The following RBFOX1 variants were observed in gnomAD, a reference collection of about 807,000 sequenced individuals.
RBFOX1 encodes the protein RNA binding protein fox-1 homolog 1.
In RBFOX1, 8 loss-of-function variants were observed where a neutral mutation model predicts 57.7. That is an observed-to-expected ratio of 0.14 (90% CI 0.08 to 0.25). RBFOX1 has a LOEUF of 0.25. Ranked by LOEUF, RBFOX1 falls within the 10% of genes least tolerant of loss-of-function variation. RBFOX1 has a pLI of 1.00. For synonymous variants in RBFOX1, 326 were observed against 222.4 expected, an observed-to-expected ratio of 1.47 and a Z score of -4.15; for missense variants, 611 against 548.5, an observed-to-expected ratio of 1.11 and a Z score of -1.14.
intron 3 of RBFOX1, among the ~76,000 whole-genome samples, chr16:6,784,354 G>C (rs1165197274): frequency 6.6e-6 from 1 of 151,578 alleles, no homozygotes; most frequent in Non-Finnish European, 1.5e-5. Context: ...GCCTCTCTTT[G>C]AGCTCACTGA....
At chr16:6,862,711 T>C (rs1460920912) in intron 3 of RBFOX1, among the ~76,000 whole-genome samples, 1 of 152,058 alleles carries the variant, frequency 6.6e-6, no homozygotes, top group Admixed American at 6.6e-5. Context: ...TTAAGAATTG[T>C]CTGTGGCTCA....
chr16:7,628,835 A>C (rs937787365), intron 10 of RBFOX1, among the ~76,000 whole-genome samples: 1 of 151,948 alleles, frequency 6.6e-6, no homozygotes, highest in Non-Finnish European at 1.5e-5. Flanking sequence ...CTGGTCTCGA[A>C]CTCCTAACCT....
chr16:6,142,791 G>T (rs2096728829), intron 1 of RBFOX1, among the ~76,000 whole-genome samples: 1 of 152,138 alleles, frequency 6.6e-6, no homozygotes, highest in Non-Finnish European at 1.5e-5. Flanking sequence ...CTTACTGTTA[G>T]TAGCTGAGAT....
intron 1 of RBFOX1, among the ~76,000 whole-genome samples, chr16:5,263,793 T>C: frequency 6.6e-6 from 1 of 152,144 alleles, no homozygotes; most frequent in East Asian, 1.9e-4. Flanking sequence ...GTCTTTGAGA[T>C]ACAGAAGAGG....
intron 1 of RBFOX1, among the ~76,000 whole-genome samples, chr16:6,150,130 G>A (rs1229645552): frequency 6.6e-6 from 1 of 152,154 alleles, no homozygotes; most frequent in Non-Finnish European, 1.5e-5. Flanking sequence ...ATTATGTGAT[G>A]TTAGCAGCCT....
rs549621007 is a variant in RBFOX1 at position 5,866,627 on chromosome 16, G to A, written c.319-676G>A. On this transcript the variant is annotated intron_variant, in intron 3 of 19. Transcript: ENST00000641259. The stretch of plus-strand genomic sequence containing the variant: ...TGATATACAGTAGGCTTGTAGATAG[G>A]AGGCTGAACATCTACGTGACTTTAT... Among the ~76,000 whole-genome samples, 21 of 152,358 alleles carry A rather than the reference G, an allele frequency of 1.4e-4. No individual in the cohort carries two copies. In the South Asian group the frequency reaches 4.4e-3, roughly 32 times the overall value.
chr16:6,690,664 G>A (rs1383228509), intron 3 of RBFOX1, among the ~76,000 whole-genome samples: 1 of 151,860 alleles, frequency 6.6e-6, no homozygotes, highest in Non-Finnish European at 1.5e-5. Context: ...TCTGCTTTTA[G>A]TCGATTATAG....
intron 1 of RBFOX1, among the ~76,000 whole-genome samples, chr16:6,186,972 C>G (rs2097109255): frequency 6.6e-6 from 1 of 152,090 alleles, no homozygotes; most frequent in Non-Finnish European, 1.5e-5. Flanking sequence ...CTCCATTGAT[C>G]TCTTTATTTG....
At chr16:6,473,872 G>T (rs1376365571) in intron 2 of RBFOX1, among the ~76,000 whole-genome samples, 1 of 152,182 alleles carries the variant, frequency 6.6e-6, no homozygotes, top group East Asian at 1.9e-4. Context: ...TTGGTCCGAA[G>T]TTGGAGGTGT....
intron 4 of RBFOX1, among the ~76,000 whole-genome samples, chr16:7,338,970 T>C (rs1256942564): frequency 6.6e-6 from 1 of 152,198 alleles, no homozygotes; most frequent in Non-Finnish European, 1.5e-5. Flanking sequence ...CGTCATTTAC[T>C]CTGAGGCTGC....
chr16:7,113,404 T>G (rs1215691765), intron 4 of RBFOX1, among the ~76,000 whole-genome samples: 24 of 152,204 alleles, frequency 1.6e-4, no homozygotes, highest in Admixed American at 1.5e-3. Context: ...ATAAAAAGTT[T>G]CCCTTCTTTC....
intron 3 of RBFOX1, among the ~76,000 whole-genome samples, chr16:6,792,915 A>G (rs752857566): frequency 6.6e-6 from 1 of 152,006 alleles, no homozygotes; most frequent in Non-Finnish European, 1.5e-5. Flanking sequence ...CTGTAATCCA[A>G]GCTACTAGGG....
At chr16:6,578,334 C>T (rs368946789) in intron 2 of RBFOX1, among the ~76,000 whole-genome samples, 1 of 151,934 alleles carries the variant, frequency 6.6e-6, no homozygotes, top group Non-Finnish European at 1.5e-5. Context: ...GGGAAGTTAG[C>T]GAAGCAATGT....
chr16:7,693,104 T>C, intron 14 of RBFOX1, among the ~76,000 whole-genome samples: 1 of 152,150 alleles, frequency 6.6e-6, no homozygotes, highest in East Asian at 1.9e-4. Context: ...TTGTACATAG[T>C]TCGTATTCTG....
At chr16:6,854,688 G>A (rs946500987) in intron 3 of RBFOX1, among the ~76,000 whole-genome samples, 1 of 142,598 alleles carries the variant, frequency 7.0e-6, no homozygotes, top group Admixed American at 7.3e-5. Context: ...TCCGCCTCCT[G>A]GGTTCAAGTC....
At chr16:5,649,003 G>T (rs1393934671) in intron 3 of RBFOX1, among the ~76,000 whole-genome samples, 1 of 151,896 alleles carries the variant, frequency 6.6e-6, no homozygotes, top group African/African-American at 2.4e-5. Context: ...GGTGGAGGTT[G>T]CAGTAAGTAG....
intron 3 of RBFOX1, among the ~76,000 whole-genome samples, chr16:5,823,969 C>T (rs145503091): frequency 6.6e-6 from 1 of 152,236 alleles, no homozygotes; most frequent in Non-Finnish European, 1.5e-5. Flanking sequence ...GAAACCAGTC[C>T]CTGGTGCCAA....
chr16:6,690,774 A>G (rs1212980590), intron 3 of RBFOX1, among the ~76,000 whole-genome samples: 1 of 60,280 alleles, frequency 1.7e-5, no homozygotes, highest in Non-Finnish European at 3.5e-5. Flanking sequence ...TTTTTTTTTT[A>G]ACTTTAGAAG....
intron 3 of RBFOX1, among the ~76,000 whole-genome samples, chr16:6,861,700 G>C (rs932687238): frequency 1.3e-5 from 2 of 151,568 alleles, no homozygotes; most frequent in Non-Finnish European, 2.9e-5. Context: ...GGTCAAATTC[G>C]TTTTGGAAGG....
Sources: gnomAD v4.1 joint callset for allele counts (sites outside exome capture counted in the v4.1 genomes callset) on GRCh38, gnomAD v4.1.1 for gene constraint, MANE v1.5 for transcripts, NCBI Gene and HGNC (gene_info 2026-07-23, HGNC 2026-07-21) for gene names.